Variants in ADGRB3 observed in about 807,000 individuals in gnomAD.
The protein encoded by ADGRB3 is brain-specific angiogenesis inhibitor 3.
ADGRB3 carries 37 observed loss-of-function variants against 193.4 expected under a neutral mutation model. The ratio of observed to expected loss-of-function variants is 0.19; its 90% confidence interval spans 0.15 to 0.25. The LOEUF (loss-of-function observed/expected upper bound fraction) is 0.25. Ranked by LOEUF, ADGRB3 falls within the 10% of genes least tolerant of loss-of-function variation. The pLI is 1.00. For missense variants in ADGRB3, 1,637 were observed against 1,852.9 expected, an observed-to-expected ratio of 0.88 and a Z score of 2.14; for synonymous variants, 690 against 644.2, an observed-to-expected ratio of 1.07 and a Z score of -1.08.
In ADGRB3 at chr6:68,868,171, C is replaced by A. The variant is rs73478173; in HGVS notation, c.758-62388C>A. 9.1e-3 allele frequency among the ~76,000 whole-genome samples: 1,382 copies of A among 152,236 alleles called. 16 individuals are homozygous for A. The highest frequency in any genetic ancestry group is 0.029 in the African/African-American group (1,206 of 41,532). On this transcript the variant is annotated intron_variant, in intron 3 of 31. Transcript: ENST00000370598. ...TAATCCCCATATGTCAGGGAAGGGA[C>A]ATGGTAGGAAGTGACTGGATCATGG...
intron 18 of ADGRB3, among the ~76,000 whole-genome samples, chr6:69,234,330 T>G (rs971231311): frequency 1.3e-5 from 2 of 152,170 alleles, no homozygotes; most frequent in Non-Finnish European, 2.9e-5. Flanking sequence ...TTTACATATG[T>G]TTTAAAAGAC....
At chr6:69,192,401 T>A (rs911810115) in intron 17 of ADGRB3, among the ~76,000 whole-genome samples, 1 of 152,108 alleles carries the variant, frequency 6.6e-6, no homozygotes, top group Non-Finnish European at 1.5e-5. Flanking sequence ...TGGCAGCTGA[T>A]TAGATGTTGT....
intron 17 of ADGRB3, among the ~76,000 whole-genome samples, chr6:69,191,563 C>T (rs866553290): frequency 9.2e-5 from 14 of 152,100 alleles, no homozygotes; most frequent in Middle Eastern, 6.8e-3. Flanking sequence ...CTTAAGTTAT[C>T]TGAAATAATT....
chr6:69,287,710 T>A (rs1767582768), intron 20 of ADGRB3, among the ~76,000 whole-genome samples: 2 of 152,212 alleles, frequency 1.3e-5, no homozygotes, highest in East Asian at 3.8e-4. Flanking sequence ...TACTCTTTCA[T>A]TATACACATC....
intron 3 of ADGRB3, among the ~76,000 whole-genome samples, chr6:68,928,216 G>C (rs1488842573): frequency 1.3e-5 from 2 of 152,020 alleles, no homozygotes; most frequent in African/African-American, 4.8e-5. Context: ...GTTAAAAATT[G>C]AATGTGACAC....
chr6:68,941,500 C>G (rs1164447653), intron 5 of ADGRB3, among the ~76,000 whole-genome samples: 2 of 151,722 alleles, frequency 1.3e-5, no homozygotes, highest in African/African-American at 4.8e-5. Flanking sequence ...TTTTGAGATT[C>G]ATGGAGGAAA....
rs769421226 is a variant in ADGRB3 at position 69,361,451 on chromosome 6, A to G, written c.4178A>G (p.Asp1393Gly). 6.8e-6 allele frequency: 11 copies of G among 1,612,732 alleles called. No homozygotes were observed. The highest frequency in any genetic ancestry group is 9.3e-6 in the Non-Finnish European group (11 of 1,179,124). Residue 1393 changes from aspartate (D) to glycine (G), a missense_variant, in exon 29 of 32, where the codon GAT becomes GGT. Physicochemically the swap from Asp to Gly is moderately conservative, Grantham distance 94. Coordinates refer to ENST00000370598, the MANE Select transcript of ADGRB3 (RefSeq NM_001704.3). ...AAGAATTTCATGGCCTCTGAGTTGG[A>G]TGATAATGCAGGACTATCAAGAAGT... is the stretch of plus-strand genomic sequence containing the variant. ...AVKNFMASEL[D>G]DNAGLSRSET...
chr6:69,025,104 A>AT (rs1210980275), intron 13 of ADGRB3, among the ~76,000 whole-genome samples: 5 of 146,236 alleles, frequency 3.4e-5, no homozygotes, highest in African/African-American at 1.2e-4. Flanking sequence ...AAAAAAAAAA[A>AT]AAAAATAAAA....
chr6:69,011,167 G>GTGTGTGTATA (rs531482642), intron 11 of ADGRB3, among the ~76,000 whole-genome samples: 1 of 143,052 alleles, frequency 7.0e-6, no homozygotes, highest in Non-Finnish European at 1.5e-5. Context: ...GTGTGTGTGT[G>GTGTGTGTATA]TATATATATA....
At chr6:69,208,087 T>C (rs1765576822) in intron 17 of ADGRB3, among the ~76,000 whole-genome samples, 1 of 152,212 alleles carries the variant, frequency 6.6e-6, no homozygotes, top group Non-Finnish European at 1.5e-5. Flanking sequence ...TCAGCCTTGG[T>C]AAGTGTTGAC....
At chr6:68,958,201 G>GAA (rs967608908) in intron 8 of ADGRB3, among the ~76,000 whole-genome samples, 1 of 146,582 alleles carries the variant, frequency 6.8e-6, no homozygotes, top group Non-Finnish European at 1.5e-5. Flanking sequence ...ACTCTGTCTC[G>GAA]AAAAAAAAAA....
chr6:68,766,336 T>A (rs1320993655), intron 3 of ADGRB3, among the ~76,000 whole-genome samples: 1 of 151,962 alleles, frequency 6.6e-6, no homozygotes, highest in Non-Finnish European at 1.5e-5. Flanking sequence ...GTAGGTACTA[T>A]ACTAGTTCCT....
chr6:68,993,647 C>T, intron 10 of ADGRB3, 121 bp from the exon 11 acceptor site: 1 of 1,006,994 alleles, frequency 9.9e-7, no homozygotes, highest in Non-Finnish European at 1.5e-6. Context: ...CAAATCCTCC[C>T]AAGCATTGCA....
intron 20 of ADGRB3, among the ~76,000 whole-genome samples, chr6:69,314,314 A>T (rs1267288210): frequency 1.3e-5 from 2 of 151,664 alleles, no homozygotes; most frequent in Non-Finnish European, 3.0e-5. Context: ...ATGAATATGA[A>T]ATTATAAAAA....
intron 3 of ADGRB3, among the ~76,000 whole-genome samples, chr6:68,761,118 C>A (rs183715828): frequency 4.8e-4 from 73 of 152,272 alleles, no homozygotes; most frequent in African/African-American, 1.7e-3. Context: ...AGAAACAGGA[C>A]AGCTGCTGAC....
chr6:69,329,491 TAA>T (rs1182576132), intron 22 of ADGRB3, among the ~76,000 whole-genome samples: 2 of 152,198 alleles, frequency 1.3e-5, no homozygotes, highest in African/African-American at 4.8e-5. Flanking sequence ...TTCACCCTAT[TAA>T]GTGTATAGTT....
intron 8 of ADGRB3, 61 bp from the exon 9 acceptor site, chr6:68,974,702 G>A: frequency 7.0e-7 from 1 of 1,431,496 alleles, no homozygotes; most frequent in Non-Finnish European, 9.8e-7. Flanking sequence ...TTTGACAATT[G>A]TTTATTGCCA....
chr6:69,182,967 T>C (rs1764964160), intron 17 of ADGRB3, among the ~76,000 whole-genome samples: 1 of 152,124 alleles, frequency 6.6e-6, no homozygotes, highest in Non-Finnish European at 1.5e-5. Context: ...TTTTTAACCT[T>C]TCCTCATAAA....
rs568647203 is a variant in ADGRB3 at position 68,970,662 on chromosome 6, T to A, written c.1526-4101T>A. ...TCTAAAGCAGGGCCTAGCACCATGT[T>A]ACATTAACAGGGCCTAGCTCTAGCA... On this transcript the variant is annotated intron_variant, in intron 8 of 31. Coordinates refer to ENST00000370598, the MANE Select transcript of ADGRB3 (RefSeq NM_001704.3). Among the ~76,000 whole-genome samples the A allele has an allele frequency of 7.9e-3, 1,209 of 152,310 alleles. 9 individuals carry two copies. The highest frequency in any genetic ancestry group is 0.025 in the African/African-American group (1,046 of 41,562).
Sources: gnomAD v4.1 joint callset for allele counts (sites outside exome capture counted in the v4.1 genomes callset) on GRCh38, gnomAD v4.1.1 for gene constraint, MANE v1.5 for transcripts, NCBI Gene and HGNC (gene_info 2026-07-23, HGNC 2026-07-21) for gene names.